EVPL: variants seen among roughly 807,000 people sequenced by gnomAD.
EVPL encodes envoplakin.
Under a neutral mutation model 129.7 loss-of-function variants are expected in EVPL, and 94 were observed. That is an observed-to-expected ratio of 0.72 (90% confidence interval 0.61 to 0.86). The LOEUF (loss-of-function observed/expected upper bound fraction) is 0.86, where lower values mean the gene tolerates loss of function less well. Among genes scored for constraint, EVPL ranks in the 40% least tolerant of loss-of-function variants. The pLI is 0.00. For missense variants in EVPL, 2,625 were observed against 2,721.1 expected (o/e 0.96, Z 0.79); for synonymous variants, 1,172 against 1,191.1 (o/e 0.98, Z 0.33).
In EVPL at chr17:76,008,603, A is replaced by C. The variant is rs2066344553; in HGVS notation, c.4602T>G (p.Asp1534Glu). The C allele has an allele frequency of 1.9e-6, 3 of 1,611,742 alleles. No homozygotes were observed. Among genetic ancestry groups the C allele is most frequent in the Non-Finnish European group, 2.5e-6 (3 of 1,179,996 alleles). Reference sequence around the variant, plus strand: ...GCATCTCCCACACGCGGGCCCGCTCATCTTCCAGGACGCGGTCCTTCTGCA... The same window carrying C: ...GCATCTCCCACACGCGGGCCCGCTCCTCTTCCAGGACGCGGTCCTTCTGCA... ...IRVQKDRVLE[D>E]ERARVWEMLN... Residue 1534 changes from aspartate to glutamate, a missense_variant, in exon 22 of 22, where the codon GAT becomes GAG. Transcript: ENST00000301607. This position sits in a 1 kb window ranked among gnomAD's most constrained non-coding sequence, Gnocchi z 7.4.
At chr17:76,027,012 C>T in intron 1 of EVPL, 89 bp downstream of exon 1, 2 of 741,404 alleles carry the variant, frequency 2.7e-6, no homozygotes, top group South Asian at 4.1e-5. Context: ...GGGCTCTGGG[C>T]CGCCGCCGCC....
chr17:76,008,205 C>T lies in EVPL; in HGVS notation c.5000G>A (p.Ser1667Asn). ...GGTCTCCTGGCTGAGCTCCTCCCGG[C>T]TCACCTTGGCGTGGAGGTCCCGGAG... ...RTLRDLHAKV[S>N]REELSQETQT... The change falls in exon 22 of 22, where the codon AGC becomes AAC. Residue 1667 changes from serine (S) to asparagine (N), a missense_variant. Ser to Asn is a conservative substitution (Grantham distance 46). Around this residue, in one of 4 missense-constraint regions of EVPL, gnomAD observed 1,453 missense variants for 1,511.8 expected, o/e 0.96. Transcript: ENST00000301607. The surrounding 1 kb of genome is among the most constrained non-coding windows in gnomAD (Gnocchi z 7.4). 6.2e-7 allele frequency: 1 copy of T among 1,614,086 alleles called. No individual in the cohort carries two copies. The highest frequency in any genetic ancestry group is 8.5e-7 in the Non-Finnish European group (1 of 1,180,032).
Position 76,025,668 on chromosome 17 carries a change from G to A in EVPL, c.98+1433C>T, listed in dbSNP as rs112023485. 7.7e-3 allele frequency among the ~76,000 whole-genome samples: 1,176 copies of A among 152,288 alleles called. 14 individuals carry two copies. The highest frequency in any genetic ancestry group is 0.027 in the African/African-American group (1,120 of 41,560). ...GTCTTAACCACTGTCTTTCCCGTCC[G>A]CCCAGACACCCAGCCTCGGTGTCTG... On this transcript the variant is annotated intron_variant, in intron 1 of 21. Transcript: ENST00000301607.
intron 14 of EVPL, 21 bp downstream of exon 14, chr17:76,017,718 C>T (rs1467297063): frequency 6.2e-7 from 1 of 1,604,938 alleles, no homozygotes; most frequent in East Asian, 2.2e-5. Context: ...TCCCAGCCGC[C>T]CCTTCCCGCT....
chr17:76,020,987 C>G (rs549190671), intron 9 of EVPL, among the ~76,000 whole-genome samples: 1 of 152,160 alleles, frequency 6.6e-6, no homozygotes, highest in African/African-American at 2.4e-5. Context: ...CCCTGGGAAC[C>G]GCTTCACCCT....
chr17:76,027,019 C>T (rs2066502657), intron 1 of EVPL, 82 bp downstream of exon 1: 9 of 837,124 alleles, frequency 1.1e-5, no homozygotes, highest in South Asian at 3.8e-5. Context: ...GGGCCGCCGC[C>T]GCCGCCAGGT....
chr17:76,021,769 G>A lies in EVPL; in HGVS notation c.820C>T (p.His274Tyr), dbSNP rs761443267. Residue 274 changes from histidine to tyrosine, a missense_variant, in exon 8 of 22, where the codon CAC becomes TAC. Physicochemically the swap from His to Tyr is moderately conservative, Grantham distance 83. Coordinates refer to ENST00000301607, the MANE Select transcript of EVPL (RefSeq NM_001988.4). ...CTCTGCTCCTGGCTCAGCAGCTCGT[G>A]CTGCTTGAAGTGCTGGGGGCGAGTC... ...VRREYEHFKQ[H>Y]ELLSQEQSVN... 6.2e-7 allele frequency: 1 copy of A among 1,606,822 alleles called. No homozygotes were observed. The highest frequency in any genetic ancestry group is 8.5e-7 in the Non-Finnish European group (1 of 1,178,562).
In EVPL at chr17:76,015,113, C is replaced by A. The variant is rs1219511959; in HGVS notation, c.2029-4G>T. 6 of 1,572,096 alleles carry A rather than the reference C, an allele frequency of 3.8e-6. No individual in the cohort carries two copies. The South Asian group carries it at 6.6e-5, about 17-fold the overall frequency. ...CCAGCAGCTCCCTCCGCTGGCGCTG[C>A]AGGAGGAGGGGACGCAGCCGTGCAC... On this transcript the variant is annotated splice_polypyrimidine_tract_variant and splice_region_variant and intron_variant, in intron 16 of 21. Transcript: ENST00000301607.
chr17:76,017,916 G>T lies in EVPL; in HGVS notation c.1538-5C>A. On this transcript the variant is annotated splice_polypyrimidine_tract_variant and splice_region_variant and intron_variant, in intron 13 of 21. Transcript: ENST00000301607. ...CCAGGTCTGAGCCAGATGGAGCTGG[G>T]GGCAGAGGTGCTGGTGAGGGCCCAG... 2 of 1,613,854 alleles carry T rather than the reference G, an allele frequency of 1.2e-6. No individual in the cohort carries two copies. Among genetic ancestry groups the T allele is most frequent in the South Asian group, 2.2e-5 (2 of 91,078 alleles).
rs1033873531 is a variant in EVPL, at chr17:76,018,834, C to A, written c.1284+80G>T. ...GCGCAGGAGACAGCTGGGGATGGAGCAGGGATGGGCTTGGGCAGGGGCAGG... is the reference window on the plus strand; with the variant it reads ...GCGCAGGAGACAGCTGGGGATGGAGAAGGGATGGGCTTGGGCAGGGGCAGG... On this transcript the variant is annotated intron_variant, in intron 11 of 21. Transcript: ENST00000301607. 6.7e-6 allele frequency: 9 copies of A among 1,346,422 alleles called. No individual in the cohort carries two copies. In the Admixed American group the frequency reaches 3.1e-4, roughly 46 times the overall value. 83.4% of individuals were successfully genotyped at this position (1,346,422 alleles called of 1,614,324 possible).
rs376549269 is a variant in EVPL at position 76,015,671 on chromosome 17, C to T, written c.1711-43G>A. On this transcript the variant is annotated intron_variant, in intron 14 of 21. Coordinates refer to ENST00000301607, the MANE Select transcript of EVPL (RefSeq NM_001988.4). ...CAGGGATCTCTGGGCAGGTGGGTTC[C>T]GCCCGACTCTTCTACCAGGATACCC... The T allele has an allele frequency of 6.8e-4, 1,074 of 1,571,518 alleles. 2 individuals are homozygous for T. Among genetic ancestry groups the T allele is most frequent in the Non-Finnish European group, 9.0e-4 (1,045 of 1,155,506 alleles).
In EVPL at chr17:76,009,973, C is replaced by T. The variant is rs1294018564; in HGVS notation, c.3232G>A (p.Glu1078Lys). 1 of 1,614,028 alleles carries T rather than the reference C, an allele frequency of 6.2e-7. No homozygotes were observed. Among genetic ancestry groups the T allele is most frequent in the Non-Finnish European group, 8.5e-7 (1 of 1,180,032 alleles). The part of the protein sequence containing the change: ...VDVKEKVVVK[E>K]VVKVEKNLEM... Reference sequence around the variant, plus strand: ...AGATTCTTCTCCACCTTGACTACCTCTTTCACCACGACCTTCTCCTTCACG... The same window carrying T: ...AGATTCTTCTCCACCTTGACTACCTTTTTCACCACGACCTTCTCCTTCACG... The change falls in exon 22 of 22, where the codon GAG becomes AAG. Residue 1078 changes from glutamate (E) to lysine (K), a missense_variant. Around this residue, in one of 4 missense-constraint regions of EVPL, gnomAD observed 1,453 missense variants for 1,511.8 expected, o/e 0.96. Transcript: ENST00000301607. The surrounding 1 kb of genome is among the most constrained non-coding windows in gnomAD (Gnocchi z 5.9).
intron 17 of EVPL, 50 bp downstream of exon 17, chr17:76,014,866 C>T (rs1156954736): frequency 6.6e-7 from 1 of 1,516,244 alleles, no homozygotes. Context: ...ACAGCAATGC[C>T]TGGCTCTGCA....
intron 16 of EVPL, 45 bp from the exon 17 acceptor site, chr17:76,015,154 G>GGCC: frequency 6.4e-7 from 1 of 1,560,000 alleles, no homozygotes; most frequent in South Asian, 1.1e-5. Flanking sequence ...TGGCTGGGGA[G>GGCC]ACGCCGTGTC....
chr17:76,019,506 C>T (rs370627089), intron 10 of EVPL, 22 bp downstream of exon 10: 51 of 1,537,544 alleles, frequency 3.3e-5, no homozygotes, highest in East Asian at 1.2e-4. Flanking sequence ...GGGGTGCAGA[C>T]GGCCTGGTGG....
In EVPL at chr17:76,018,473, T is replaced by G. The variant is rs778763658; in HGVS notation, c.1412A>C (p.Asp471Ala). ...PAACFCIPAP[D>A]PDAVARASRL... The stretch of plus-strand genomic sequence containing the variant: ...GGAGGCCCTGGCCACAGCATCAGGG[T>G]CTGGTGCTGGGATGCAGAAGCAGGC... Residue 471 changes from aspartate (D) to alanine (A), a missense_variant, in exon 12 of 22, where the codon GAC becomes GCC. Transcript: ENST00000301607. The G allele has an allele frequency of 6.2e-6, 10 of 1,612,184 alleles. No homozygotes were observed. Among genetic ancestry groups the G allele is most frequent in the Non-Finnish European group, 2.5e-6 (3 of 1,179,690 alleles).
chr17:76,015,767 C>T (rs1186000346), intron 14 of EVPL, 139 bp from the exon 15 acceptor site: 2 of 852,130 alleles, frequency 2.3e-6, no homozygotes, highest in Non-Finnish European at 3.6e-6. Context: ...GAACTGCGTT[C>T]AGTCCTGGCG....
At position 76,021,389 on chromosome 17, in the gene EVPL, C is replaced by T. The variant is rs2066455882; in HGVS notation, c.1011+79G>A. 13 of 1,365,600 alleles carry T rather than the reference C, an allele frequency of 9.5e-6. No homozygotes were observed. In the South Asian group the frequency reaches 1.0e-4, roughly 11 times the overall value. 84.6% of individuals were successfully genotyped at this position (1,365,600 alleles called of 1,614,324 possible). The stretch of plus-strand genomic sequence containing the variant: ...CTAGTTGGGAGGTGCAGTGCCTCTC[C>T]TGTGGGCAGGGGTGCTGTGCTCCCG... On this transcript the variant is annotated intron_variant, in intron 9 of 21. Coordinates refer to ENST00000301607, the MANE Select transcript of EVPL (RefSeq NM_001988.4).
At position 76,007,243 on chromosome 17, in the gene EVPL, T is replaced by G. The variant is rs2144395400; in HGVS notation, c.5962A>C (p.Lys1988Gln). 1 of 1,571,106 alleles carries G rather than the reference T, an allele frequency of 6.4e-7. No homozygotes were observed. Among genetic ancestry groups the G allele is most frequent in the East Asian group, 2.3e-5 (1 of 44,420 alleles). ...YEKDLTDPIS[K>Q]ERLSYKEAMG... ...GCCTCCTTGTAGCTCAGCCGTTCCT[T>G]GGAGATGGGGTCTGTCAAATCCTTC... Residue 1988 changes from lysine (K) to glutamine (Q), a missense_variant, in exon 22 of 22, where the codon AAG becomes CAG. Physicochemically the swap from Lys to Gln is moderately conservative, Grantham distance 53. This residue lies in a region of EVPL where 1,453 missense variants were observed against 1,511.8 expected (regional missense o/e 0.96). Coordinates refer to ENST00000301607, the MANE Select transcript of EVPL (RefSeq NM_001988.4). This position sits in a 1 kb window ranked among gnomAD's most constrained non-coding sequence, Gnocchi z 8.8.
Sources: gnomAD v4.1 joint callset for allele counts (sites outside exome capture counted in the v4.1 genomes callset) on GRCh38, gnomAD v4.1.1 for gene constraint, gnomAD v4.1.1 regional missense constraint, Gnocchi (gnomAD v3.1) non-coding constraint, MANE v1.5 for transcripts, NCBI Gene and HGNC (gene_info 2026-07-23, HGNC 2026-07-21) for gene names.